CCDC134: variants seen among roughly 807,000 people sequenced by gnomAD.
CCDC134 encodes coiled-coil domain containing 134.
A neutral mutation model predicts 25.6 loss-of-function variants in CCDC134; 27 were observed. The observed-to-expected ratio is 1.05, with a 90% CI of 0.78 to 1.45. The LOEUF (loss-of-function observed/expected upper bound fraction) is 1.45, where lower values mean the gene tolerates loss of function less well. Ranked by LOEUF, CCDC134 falls within the 40% of genes most tolerant of loss-of-function variation. CCDC134 has a pLI of 0.00. For missense variants in CCDC134, 261 were observed against 286.7 expected (o/e 0.91, Z 0.65); for synonymous variants, 110 against 115.0 (o/e 0.96, Z 0.28).
chr22:41,808,883 G>C lies in CCDC134; in HGVS notation c.-8G>C. On this transcript the variant is annotated 5_prime_UTR_variant, in exon 2 of 7. Coordinates refer to ENST00000255784, the MANE Select transcript of CCDC134 (RefSeq NM_024821.5). Reference sequence around the variant, plus strand: ...TTGGGTTATTCTTCCAGCTCAAGAGGTTTGGATATGGACCTTCTTCAATTC... The same window carrying C: ...TTGGGTTATTCTTCCAGCTCAAGAGCTTTGGATATGGACCTTCTTCAATTC... 1 of 1,611,954 alleles carries C rather than the reference G, an allele frequency of 6.2e-7. No homozygotes were observed. The highest frequency in any genetic ancestry group is 1.1e-5 in the South Asian group (1 of 91,018).
intron 6 of CCDC134, among the ~76,000 whole-genome samples, chr22:41,816,784 G>A (rs1014958458): frequency 3.9e-5 from 6 of 152,130 alleles, no homozygotes; most frequent in African/African-American, 1.4e-4. Flanking sequence ...CGGGTGTGGT[G>A]GCGCATGCCT....
chr22:41,819,335 G>A (rs1342808359), intron 6 of CCDC134, among the ~76,000 whole-genome samples: 1 of 152,194 alleles, frequency 6.6e-6, no homozygotes, highest in African/African-American at 2.4e-5. Flanking sequence ...TTCTAATCCG[G>A]TGTAACTGTT....
rs532995106 is a variant in CCDC134, at chr22:41,820,290, C to T, written c.565-5408C>T. 4.6e-5 allele frequency among the ~76,000 whole-genome samples: 7 copies of T among 151,714 alleles called. No homozygotes were observed. In the South Asian group the frequency reaches 1.5e-3, roughly 32 times the overall value. On this transcript the variant is annotated intron_variant, in intron 6 of 6. Coordinates refer to ENST00000255784, the MANE Select transcript of CCDC134 (RefSeq NM_024821.5). Reference sequence around the variant, plus strand: ...GGATTACAGGTGTGAGCCACCGCTCCCAGCCGTTATTTATATATATATTTT... The same window carrying T: ...GGATTACAGGTGTGAGCCACCGCTCTCAGCCGTTATTTATATATATATTTT...
At chr22:41,803,540 G>T (rs1384172607) in intron 1 of CCDC134, among the ~76,000 whole-genome samples, 4 of 152,134 alleles carry the variant, frequency 2.6e-5, no homozygotes, top group Non-Finnish European at 5.9e-5. Flanking sequence ...GGCCAAGATG[G>T]CCAGATTGCT....
At chr22:41,812,875 T>A (rs1244524474) in intron 4 of CCDC134, among the ~76,000 whole-genome samples, 10 of 152,108 alleles carry the variant, frequency 6.6e-5, no homozygotes, top group Admixed American at 3.3e-4. Context: ...ATGTGATACA[T>A]CAGCATCTGT....
At chr22:41,822,584 C>T (rs2076657354) in intron 6 of CCDC134, among the ~76,000 whole-genome samples, 1 of 152,136 alleles carries the variant, frequency 6.6e-6, no homozygotes, top group South Asian at 2.1e-4. Context: ...GGGAAGGGAA[C>T]AGGGAAAGGA....
rs1392319709 is a variant in CCDC134 at position 41,830,803 on chromosome 22, T to G, written c.*4980T>G. 1.3e-5 allele frequency among the ~76,000 whole-genome samples: 2 copies of G among 152,292 alleles called. No individual in the cohort carries two copies. Among genetic ancestry groups the G allele is most frequent in the East Asian group, 3.9e-4 (2 of 5,192 alleles). ...CCAAATCTCACTACTCCTGTAACTATGTCTGACAGCCAGCTGTTGGGTCTT... is the reference window on the plus strand; with the variant it reads ...CCAAATCTCACTACTCCTGTAACTAGGTCTGACAGCCAGCTGTTGGGTCTT... On this transcript the variant is annotated 3_prime_UTR_variant, in exon 7 of 7. Coordinates refer to ENST00000255784, the MANE Select transcript of CCDC134 (RefSeq NM_024821.5).
Position 41,829,007 on chromosome 22 carries a change from C to T in CCDC134, c.*3184C>T, listed in dbSNP as rs796306892. ...CTATTAACGTTTGGGGCTAGGTAAT[C>T]GTTGGGTGTGTGAGTGTGAAGAGGG... On this transcript the variant is annotated 3_prime_UTR_variant, in exon 7 of 7. Transcript: ENST00000255784. Among the ~76,000 whole-genome samples, 3 of 152,154 alleles carry T rather than the reference C, an allele frequency of 2.0e-5. No individual in the cohort carries two copies. Among genetic ancestry groups the T allele is most frequent in the Non-Finnish European group, 4.4e-5 (3 of 68,034 alleles).
rs776412612 is a variant in CCDC134, at chr22:41,829,111, G to A, written c.*3288G>A. 8.5e-5 allele frequency among the ~76,000 whole-genome samples: 13 copies of A among 152,222 alleles called. No individual in the cohort carries two copies. Among genetic ancestry groups the A allele is most frequent in the Non-Finnish European group, 1.2e-4 (8 of 68,010 alleles). ...GTGCCTGTAGCAGTCCCCCAGTTAC[G>A]ACAACCAAAAATGTGTCCAGACATT... On this transcript the variant is annotated 3_prime_UTR_variant, in exon 7 of 7. Coordinates refer to ENST00000255784, the MANE Select transcript of CCDC134 (RefSeq NM_024821.5).
At chr22:41,823,042 C>T (rs2076659687) in intron 6 of CCDC134, among the ~76,000 whole-genome samples, 1 of 152,168 alleles carries the variant, frequency 6.6e-6, no homozygotes, top group Non-Finnish European at 1.5e-5. Flanking sequence ...GTGTGTTTTA[C>T]AGCACAGCTA....
intron 4 of CCDC134, 130 bp from the exon 5 acceptor site, chr22:41,813,134 G>A (rs1357067594): frequency 2.3e-6 from 2 of 862,982 alleles, no homozygotes; most frequent in Non-Finnish European, 3.7e-6. Flanking sequence ...GCAGCCTGTG[G>A]TCAGTAGGCA....
chr22:41,820,036 C>T lies in CCDC134; in HGVS notation c.565-5662C>T, dbSNP rs146896002. ...TTGAGACGGAGTCTCACTCTGTCCACGCAGGCTGGAGTGCAGTGGCGCGAT... is the reference window on the plus strand; with the variant it reads ...TTGAGACGGAGTCTCACTCTGTCCATGCAGGCTGGAGTGCAGTGGCGCGAT... On this transcript the variant is annotated intron_variant, in intron 6 of 6. Coordinates refer to ENST00000255784, the MANE Select transcript of CCDC134 (RefSeq NM_024821.5). Among the ~76,000 whole-genome samples the T allele has an allele frequency of 2.9e-3, 409 of 142,834 alleles. 5 individuals carry two copies. Among genetic ancestry groups the T allele is most frequent in the Middle Eastern group, 7.3e-3 (2 of 274 alleles). The allele number at this position is 142,834 out of a possible 152,430, so 93.7% of individuals were successfully genotyped here.
chr22:41,808,228 C>T (rs924679166), intron 1 of CCDC134, among the ~76,000 whole-genome samples: 4 of 151,858 alleles, frequency 2.6e-5, no homozygotes, highest in Admixed American at 2.0e-4. Flanking sequence ...AACAGGTATT[C>T]TATGTAGTAC....
intron 6 of CCDC134, among the ~76,000 whole-genome samples, chr22:41,814,893 T>G (rs572824867): frequency 6.6e-6 from 1 of 152,272 alleles, no homozygotes; most frequent in South Asian, 2.1e-4. Flanking sequence ...AGGGGCCAGG[T>G]GGGCGCTGTG....
chr22:41,813,475 GC>G, intron 5 of CCDC134, 30 bp downstream of exon 5: 1 of 1,612,812 alleles, frequency 6.2e-7, no homozygotes, highest in Non-Finnish European at 8.5e-7. Flanking sequence ...TGGCCCGGGA[GC>G]CCTCTGTCGG....
intron 6 of CCDC134, among the ~76,000 whole-genome samples, chr22:41,817,059 T>TAG (rs1293593175): frequency 6.6e-6 from 1 of 152,182 alleles, no homozygotes; most frequent in African/African-American, 2.4e-5. Flanking sequence ...TACAGATGTA[T>TAG]AGAGACCTGT....
Position 41,831,109 on chromosome 22 carries a change from C to G in CCDC134, c.*5286C>G, listed in dbSNP as rs1053152005. 11 of 151,976 alleles carry G rather than the reference C, an allele frequency of 7.2e-5. No individual in the cohort carries two copies. The highest frequency in any genetic ancestry group is 1.2e-4 in the Non-Finnish European group (8 of 68,088). The allele number at this position is 151,976 out of a possible 1,614,324, so 9.4% of individuals were successfully genotyped here. ...CCAAGCTGGCCAAGCTGGTCTCGAA[C>G]TCCCGACCTCAGGCAATCCGCCCAC... On this transcript the variant is annotated 3_prime_UTR_variant, in exon 7 of 7. Transcript: ENST00000255784.
intron 1 of CCDC134, among the ~76,000 whole-genome samples, chr22:41,803,997 G>T (rs2076556220): frequency 6.6e-6 from 1 of 151,956 alleles, no homozygotes; most frequent in African/African-American, 2.4e-5. Context: ...CCCGGGCGTG[G>T]TGGCGGGCAC....
chr22:41,820,831 G>A (rs113910136), intron 6 of CCDC134, among the ~76,000 whole-genome samples: 1,804 of 152,212 alleles, frequency 0.012, 41 homozygotes, highest in African/African-American at 0.041. Context: ...TATTTGACTC[G>A]AGACTTCAGG....
Sources: gnomAD v4.1 joint callset for allele counts (sites outside exome capture counted in the v4.1 genomes callset) on GRCh38, gnomAD v4.1.1 for gene constraint, MANE v1.5 for transcripts, NCBI Gene and HGNC (gene_info 2026-07-23, HGNC 2026-07-21) for gene names.